ZMAT4: variants seen among roughly 807,000 people sequenced by gnomAD.
ZMAT4 encodes zinc finger matrin-type protein 4.
In ZMAT4, 17 loss-of-function variants were observed where a neutral mutation model predicts 28.7. The ratio of observed to expected loss-of-function variants is 0.59; its 90% CI spans 0.41 to 0.89. The LOEUF (loss-of-function observed/expected upper bound fraction) is 0.89, where lower values mean the gene tolerates loss of function less well. Among genes scored for constraint, ZMAT4 ranks in the 40% least tolerant of loss-of-function variants. The pLI is 0.00. For missense variants in ZMAT4, 240 were observed against 283.8 expected (o/e 0.85, Z 1.11); for synonymous variants, 117 against 109.2 (o/e 1.07, Z -0.44).
At chr8:40,653,135 C>T (rs1807758005) in intron 5 of ZMAT4, among the ~76,000 whole-genome samples, 1 of 151,602 alleles carries the variant, frequency 6.6e-6, no homozygotes, top group African/African-American at 2.4e-5. Context: ...AGAAATTGAA[C>T]CACACACTCT....
chr8:40,710,374 T>C (rs1810554070), intron 3 of ZMAT4, among the ~76,000 whole-genome samples: 1 of 152,326 alleles, frequency 6.6e-6, no homozygotes, highest in South Asian at 2.1e-4. Context: ...TGAACCAACA[T>C]ACTCAGTGTA....
At chr8:40,673,472 C>T (rs897506399) in intron 5 of ZMAT4, among the ~76,000 whole-genome samples, 3 of 152,110 alleles carry the variant, frequency 2.0e-5, no homozygotes, top group Non-Finnish European at 4.4e-5. Flanking sequence ...AATTGATTTG[C>T]AAATGTTGTT....
intron 2 of ZMAT4, among the ~76,000 whole-genome samples, chr8:40,799,108 T>TAG (rs750242558): frequency 1.9e-4 from 29 of 148,792 alleles, no homozygotes; most frequent in Non-Finnish European, 3.4e-4. Context: ...GATGGATTAA[T>TAG]AGAGAGAGAG....
chr8:40,675,467 G>A (rs533463853), intron 4 of ZMAT4, among the ~76,000 whole-genome samples: 10 of 152,298 alleles, frequency 6.6e-5, no homozygotes, highest in South Asian at 6.2e-4. Flanking sequence ...TAAGCCTATT[G>A]TAATTGCCTT....
At chr8:40,758,716 G>C (rs1812797482) in intron 3 of ZMAT4, among the ~76,000 whole-genome samples, 1 of 152,104 alleles carries the variant, frequency 6.6e-6, no homozygotes, top group African/African-American at 2.4e-5. Context: ...AATGGATCTT[G>C]GGAATAAATA....
intron 5 of ZMAT4, among the ~76,000 whole-genome samples, chr8:40,636,255 T>C (rs1472471695): frequency 6.6e-6 from 1 of 152,224 alleles, no homozygotes; most frequent in Non-Finnish European, 1.5e-5. Flanking sequence ...CTTGAGAAAC[T>C]GGCTTGCACT....
At chr8:40,624,507 G>A (rs745599600) in intron 5 of ZMAT4, among the ~76,000 whole-genome samples, 16 of 152,168 alleles carry the variant, frequency 1.1e-4, no homozygotes, top group Non-Finnish European at 2.1e-4. Flanking sequence ...CAAATTATTA[G>A]CTCCTTAAGG....
chr8:40,764,283 G>A (rs925790394), intron 3 of ZMAT4, among the ~76,000 whole-genome samples: 7 of 152,114 alleles, frequency 4.6e-5, no homozygotes, highest in East Asian at 1.9e-4. Flanking sequence ...TGTAAGATCC[G>A]AGTAAGGATT....
intron 3 of ZMAT4, among the ~76,000 whole-genome samples, chr8:40,705,205 C>T (rs1306451202): frequency 6.6e-6 from 1 of 152,124 alleles, no homozygotes; most frequent in Non-Finnish European, 1.5e-5. Flanking sequence ...AATATTTAAA[C>T]AGATGGTCAC....
chr8:40,775,537 G>C (rs1207926316), intron 2 of ZMAT4, among the ~76,000 whole-genome samples: 2 of 152,208 alleles, frequency 1.3e-5, no homozygotes, highest in Non-Finnish European at 2.9e-5. Flanking sequence ...CAGCTGTCTT[G>C]CTGCAGAGTC....
intron 5 of ZMAT4, among the ~76,000 whole-genome samples, chr8:40,623,530 T>C (rs890383076): frequency 3.9e-5 from 6 of 152,218 alleles, no homozygotes; most frequent in African/African-American, 1.2e-4. Context: ...CATTTTGCAA[T>C]TTCACCTTAG....
At chr8:40,694,872 G>A (rs1809812980) in intron 4 of ZMAT4, among the ~76,000 whole-genome samples, 1 of 152,090 alleles carries the variant, frequency 6.6e-6, no homozygotes, top group African/African-American at 2.4e-5. Context: ...TCACCTTTCT[G>A]TGTAAAAACT....
intron 3 of ZMAT4, among the ~76,000 whole-genome samples, chr8:40,710,948 AT>A (rs1355095554): frequency 3.3e-5 from 5 of 150,668 alleles, no homozygotes; most frequent in East Asian, 2.0e-4. Flanking sequence ...ACCCAGATAA[AT>A]TTTTTTTTGT....
chr8:40,653,894 C>T (rs1807798451), intron 5 of ZMAT4, among the ~76,000 whole-genome samples: 1 of 152,164 alleles, frequency 6.6e-6, no homozygotes. Context: ...AGAGGAAATG[C>T]TTCCCAACTC....
chr8:40,821,085 T>C (rs1049703061), intron 2 of ZMAT4, among the ~76,000 whole-genome samples: 2 of 148,276 alleles, frequency 1.3e-5, no homozygotes, highest in African/African-American at 4.9e-5. Context: ...GGTGTGTGTG[T>C]ATGTGTATGG....
chr8:40,838,552 G>A (rs1043681327), intron 1 of ZMAT4, among the ~76,000 whole-genome samples: 1 of 152,060 alleles, frequency 6.6e-6, no homozygotes, highest in Non-Finnish European at 1.5e-5. Context: ...TATTGCCCAG[G>A]CTGGGGGTGA....
chr8:40,550,018 C>T (rs1293019930), intron 6 of ZMAT4, among the ~76,000 whole-genome samples: 1 of 152,096 alleles, frequency 6.6e-6, no homozygotes, highest in Admixed American at 6.6e-5. Context: ...TGCCAATTTC[C>T]CTCTCAGCCT....
chr8:40,868,680 A>G (rs1052763668), intron 1 of ZMAT4, among the ~76,000 whole-genome samples: 1 of 152,174 alleles, frequency 6.6e-6, no homozygotes, highest in Non-Finnish European at 1.5e-5. Flanking sequence ...TCTTCAAGCA[A>G]AGATTATCAC....
intron 2 of ZMAT4, among the ~76,000 whole-genome samples, chr8:40,814,122 G>T (rs1199362958): frequency 6.6e-6 from 1 of 151,836 alleles, no homozygotes; most frequent in African/African-American, 2.4e-5. Context: ...GATAGCATTT[G>T]AAGTTAGAAA....
Sources: allele counts gnomAD v4.1 joint callset (sites outside exome capture counted in the v4.1 genomes callset), GRCh38; gene constraint gnomAD v4.1.1; transcripts MANE v1.5; gene names NCBI Gene and HGNC (gene_info 2026-07-23, HGNC 2026-07-21).